Variants in DHRS4L2 observed in about 807,000 individuals in gnomAD.
The protein encoded by DHRS4L2 is dehydrogenase/reductase SDR family member 4-like 2.
Under a neutral mutation model 23.9 loss-of-function variants are expected in DHRS4L2, and 22 were observed. That is an observed-to-expected ratio of 0.92 (90% CI 0.66 to 1.31). The LOEUF (loss-of-function observed/expected upper bound fraction) is 1.31. Among genes scored for constraint, DHRS4L2 ranks in the 40% most tolerant of loss-of-function variants. The pLI is 0.00. For missense variants in DHRS4L2, 385 were observed against 303.3 expected (o/e 1.27, Z -2.00); for synonymous variants, 141 against 123.7 (o/e 1.14, Z -0.93).
rs186927255 is a variant in DHRS4L2 at position 23,972,839 on chromosome 14, C to G, written c.-176+2507C>G. 2.0e-4 allele frequency among the ~76,000 whole-genome samples: 31 copies of G among 151,432 alleles called. 1 individual carries two copies. Among genetic ancestry groups the G allele is most frequent in the East Asian group, 5.8e-4 (3 of 5,164 alleles). ...GGAGAAGGTCAGCAACAAACGTGAG[C>G]AATAGAATCTACATCATAATTCAGT... On this transcript the variant is annotated intron_variant, in intron 1 of 5. Coordinates refer to the DHRS4L2 transcript ENST00000534993.
At chr14:23,989,127 C>T in intron 1 of DHRS4L2, 52 bp downstream of exon 1, 1 of 1,544,418 alleles carries the variant, frequency 6.5e-7, no homozygotes, top group South Asian at 1.2e-5. Context: ...GAAACATGCA[C>T]TGGTGTCTCG....
At position 23,989,110 on chromosome 14, in the gene DHRS4L2, C is replaced by T. The variant is rs771105091; in HGVS notation, c.128+35C>T. The T allele has an allele frequency of 3.2e-5, 49 of 1,550,402 alleles. 3 individuals are homozygous for T. In the South Asian group the frequency reaches 5.6e-4, roughly 18 times the overall value. On this transcript the variant is annotated intron_variant, in intron 1 of 7. Transcript: ENST00000335125. The stretch of plus-strand genomic sequence containing the variant: ...GGTGCCGGAGTTTCTGAGGCCCTGG[C>T]TGCCTGGAAACATGCACTGGTGTCT...
intron 2 of DHRS4L2, among the ~76,000 whole-genome samples, chr14:23,991,146 G>T (rs536703463): frequency 6.6e-6 from 1 of 151,888 alleles, no homozygotes; most frequent in Admixed American, 6.5e-5. Flanking sequence ...ACAGGATTCT[G>T]CTAACAGATT....
intron 1 of DHRS4L2, among the ~76,000 whole-genome samples, chr14:23,982,656 T>G (rs1274476160): frequency 6.6e-6 from 1 of 151,478 alleles, no homozygotes; most frequent in Non-Finnish European, 1.5e-5. Context: ...ACCACACACC[T>G]ACAACCATCA....
chr14:23,988,733 C>A, upstream of DHRS4L2: 1 of 1,346,358 alleles, frequency 7.4e-7, no homozygotes, highest in Non-Finnish European at 9.6e-7. Flanking sequence ...ACTCACCAGC[C>A]CGGGAAGGCA....
At chr14:23,986,136 C>T (rs1308514330), upstream of DHRS4L2, among the ~76,000 whole-genome samples, 2 of 151,510 alleles carry the variant, frequency 1.3e-5, no homozygotes, top group Non-Finnish European at 2.9e-5. Context: ...GGATTACAGG[C>T]ATGAGCCACC....
intron 2 of DHRS4L2, among the ~76,000 whole-genome samples, chr14:23,992,323 A>C (rs1231770361): frequency 6.6e-6 from 1 of 151,622 alleles, no homozygotes; most frequent in Admixed American, 6.6e-5. Context: ...AAGATTTTCC[A>C]ACCCCATGTC....
intron 1 of DHRS4L2, among the ~76,000 whole-genome samples, chr14:23,972,602 G>T (rs1362588231): frequency 6.6e-6 from 1 of 151,882 alleles, no homozygotes; most frequent in Non-Finnish European, 1.5e-5. Flanking sequence ...CACACCTGTG[G>T]GTATTTCTAG....
intron 1 of DHRS4L2, among the ~76,000 whole-genome samples, chr14:23,980,951 A>G (rs1392055308): frequency 1.3e-5 from 2 of 151,666 alleles, no homozygotes; most frequent in African/African-American, 4.8e-5. Context: ...GAAGTTTTCT[A>G]GCCAGGGCAC....
At chr14:23,976,868 G>C (rs2332147) in intron 1 of DHRS4L2, among the ~76,000 whole-genome samples, 15 of 151,644 alleles carry the variant, frequency 9.9e-5, no homozygotes, top group Non-Finnish European at 1.9e-4. Context: ...AAAACCAAAC[G>C]CTGCATCTTC....
intron 2 of DHRS4L2, among the ~76,000 whole-genome samples, chr14:23,990,562 T>G (rs1016783942): frequency 2.6e-5 from 4 of 151,372 alleles, no homozygotes; most frequent in African/African-American, 9.7e-5. Flanking sequence ...ATCCCTTGAG[T>G]ACCCCAAAGA....
At chr14:23,976,827 C>T (rs542204198) in intron 1 of DHRS4L2, among the ~76,000 whole-genome samples, 51 of 151,858 alleles carry the variant, frequency 3.4e-4, no homozygotes, top group African/African-American at 1.2e-3. Context: ...AGCTGGAAAT[C>T]ATCACTTTCA....
At chr14:23,993,450 A>G (rs2034309823) in intron 2 of DHRS4L2, among the ~76,000 whole-genome samples, 1 of 151,672 alleles carries the variant, frequency 6.6e-6, no homozygotes, top group Non-Finnish European at 1.5e-5. Flanking sequence ...GTACATTGTT[A>G]GTAACACCCC....
upstream of DHRS4L2, among the ~76,000 whole-genome samples, chr14:23,984,700 G>A (rs1240047348): frequency 8.0e-5 from 12 of 150,450 alleles, no homozygotes; most frequent in Non-Finnish European, 1.6e-4. Flanking sequence ...CCAGCTACTC[G>A]GGAGGCTGAG....
At chr14:23,989,514 A>T (rs2034221567) in intron 1 of DHRS4L2, among the ~76,000 whole-genome samples, 1 of 151,582 alleles carries the variant, frequency 6.6e-6, no homozygotes, top group African/African-American at 2.4e-5. Flanking sequence ...GGGACACCAG[A>T]GCCATGTGTC....
chr14:23,977,666 G>C (rs994659218), intron 1 of DHRS4L2, among the ~76,000 whole-genome samples: 1 of 151,670 alleles, frequency 6.6e-6, no homozygotes, highest in African/African-American at 2.4e-5. Flanking sequence ...TCAAATTATA[G>C]ATGAACTAGC....
chr14:23,994,462 T>C (rs192393854), intron 2 of DHRS4L2, among the ~76,000 whole-genome samples: 3 of 151,636 alleles, frequency 2.0e-5, no homozygotes, highest in South Asian at 2.1e-4. Context: ...CCAAGGCAGG[T>C]GGATGGCTTG....
rs1487547608 is a variant in DHRS4L2, at chr14:24,005,931, C to T, written c.*68C>T. On this transcript the variant is annotated 3_prime_UTR_variant, in exon 8 of 8. Transcript: ENST00000335125. ...GTGCTGGCATCGTGTCTTTCCTGTG[C>T]TCTGAAGATGCCAGCTACATCACTG... 2.5e-6 allele frequency: 4 copies of T among 1,610,976 alleles called. No individual in the cohort carries two copies. The highest frequency in any genetic ancestry group is 2.5e-6 in the Non-Finnish European group (3 of 1,178,932).
chr14:23,992,444 G>T (rs8003263), intron 2 of DHRS4L2, among the ~76,000 whole-genome samples: 2,943 of 151,624 alleles, frequency 0.019, 136 homozygotes, highest in African/African-American at 0.068. Context: ...TCTTCTGCCA[G>T]TTGCCACATG....
Sources: allele counts gnomAD v4.1 joint callset (sites outside exome capture counted in the v4.1 genomes callset), GRCh38; gene constraint gnomAD v4.1.1; transcripts MANE v1.5; gene names NCBI Gene and HGNC (gene_info 2026-07-23, HGNC 2026-07-21).